FRMD4A: variants seen among roughly 807,000 people sequenced by gnomAD.
FRMD4A encodes the protein FERM domain containing 4A.
FRMD4A carries 29 observed loss-of-function variants against 129.1 expected under a neutral mutation model. The ratio of observed to expected loss-of-function variants is 0.22; its 90% CI spans 0.17 to 0.31. The LOEUF (loss-of-function observed/expected upper bound fraction) is 0.31, where lower values mean the gene tolerates loss of function less well. Among genes scored for constraint, FRMD4A ranks in the 10% least tolerant of loss-of-function variants. The probability of loss-of-function intolerance (pLI) is 1.00; values close to 1 mark genes in which losing one functional copy is unlikely to be tolerated. For missense variants in FRMD4A, 1,272 were observed against 1,375.8 expected (o/e 0.92, Z 1.19); for synonymous variants, 634 against 571.6 (o/e 1.11, Z -1.56).
At chr10:14,096,299 C>A (rs1484060580) in intron 2 of FRMD4A, among the ~76,000 whole-genome samples, 3 of 152,188 alleles carry the variant, frequency 2.0e-5, no homozygotes, top group African/African-American at 7.2e-5. Flanking sequence ...TCTGCTGTTG[C>A]CTTGATCTTG....
Position 14,118,470 on chromosome 10 carries a change from T to C in FRMD4A, c.45+211588A>G, listed in dbSNP as rs1838317046. 2.6e-5 allele frequency among the ~76,000 whole-genome samples: 4 copies of C among 152,202 alleles called. No individual in the cohort carries two copies. In the South Asian group the frequency reaches 8.3e-4, roughly 32 times the overall value. On this transcript the variant is annotated intron_variant, in intron 2 of 24. Coordinates refer to ENST00000357447, the MANE Select transcript of FRMD4A (RefSeq NM_018027.5). ...CAGAGTCTTGACTTACAAACTTTTG[T>C]TTTCTGGCACAGGCATTCAGTGGTG...
At chr10:13,891,901 A>T (rs1232853844) in intron 2 of FRMD4A, 1 of 251,690 alleles carries the variant, frequency 4.0e-6, no homozygotes, top group Non-Finnish European at 6.1e-6. Context: ...GGCCCGCCGC[A>T]TGGTGCGCCC....
intron 2 of FRMD4A, among the ~76,000 whole-genome samples, chr10:13,865,404 A>ATTTTAT (rs372139721): frequency 1.3e-4 from 9 of 70,002 alleles, no homozygotes; most frequent in African/African-American, 3.2e-4. Context: ...TATTTATTTT[A>ATTTTAT]TTTGTTTTAT....
intron 3 of FRMD4A, among the ~76,000 whole-genome samples, chr10:13,820,697 C>T (rs1278942739): frequency 6.6e-6 from 1 of 152,234 alleles, no homozygotes; most frequent in Non-Finnish European, 1.5e-5. Context: ...TTTGTCACTG[C>T]AGAGCCCCCA....
intron 3 of FRMD4A, among the ~76,000 whole-genome samples, chr10:13,839,519 C>T (rs949260922): frequency 1.3e-5 from 2 of 152,222 alleles, no homozygotes; most frequent in Non-Finnish European, 2.9e-5. Flanking sequence ...CTAAGGTTTT[C>T]ACTGAGACCC....
chr10:13,762,761 C>A (rs1277152233), intron 6 of FRMD4A, 81 bp from the exon 7 acceptor site: 1 of 835,874 alleles, frequency 1.2e-6, no homozygotes. Flanking sequence ...GACAGCTCTT[C>A]TTCGGGAGGA....
intron 2 of FRMD4A, among the ~76,000 whole-genome samples, chr10:14,303,403 G>A (rs1846248528): frequency 6.6e-6 from 1 of 152,218 alleles, no homozygotes; most frequent in African/African-American, 2.4e-5. Context: ...AGTGGGCTGT[G>A]GGCGCTAGGG....
chr10:14,148,518 C>G, intron 2 of FRMD4A, among the ~76,000 whole-genome samples: 1 of 152,228 alleles, frequency 6.6e-6, no homozygotes, highest in Middle Eastern at 3.4e-3. Flanking sequence ...AATCCCAGCA[C>G]TTTGGGAGGC....
At chr10:13,927,156 TG>T (rs2095142460) in intron 2 of FRMD4A, among the ~76,000 whole-genome samples, 1 of 150,700 alleles carries the variant, frequency 6.6e-6, no homozygotes, top group African/African-American at 2.4e-5. Context: ...ACTGGGGAGG[TG>T]GAGGCAGGAG....
intron 2 of FRMD4A, among the ~76,000 whole-genome samples, chr10:14,028,363 T>A (rs1488933187): frequency 1.3e-5 from 2 of 152,298 alleles, no homozygotes; most frequent in East Asian, 1.9e-4. Context: ...TACATTATTT[T>A]TTCTTGGGAA....
intron 2 of FRMD4A, among the ~76,000 whole-genome samples, chr10:14,223,770 A>G (rs944325070): frequency 2.5e-5 from 2 of 79,008 alleles, no homozygotes; most frequent in South Asian, 7.5e-4. Flanking sequence ...AAAAAGAGAG[A>G]GAGAGAGAGA....
At chr10:13,688,818 A>C (rs534117098) in intron 15 of FRMD4A, among the ~76,000 whole-genome samples, 2 of 152,224 alleles carry the variant, frequency 1.3e-5, no homozygotes, top group African/African-American at 4.8e-5. Context: ...GCTAGGCTCA[A>C]GTAACTCTCC....
intron 6 of FRMD4A, among the ~76,000 whole-genome samples, 153 bp from the exon 7 acceptor site, chr10:13,762,833 A>G (rs2092127630): frequency 6.6e-6 from 1 of 152,134 alleles, no homozygotes; most frequent in African/African-American, 2.4e-5. Context: ...GCCTCTACAG[A>G]AAATTTAAAA....
intron 2 of FRMD4A, among the ~76,000 whole-genome samples, chr10:13,901,133 A>G (rs2131193320): frequency 6.6e-6 from 1 of 152,344 alleles, no homozygotes; most frequent in South Asian, 2.1e-4. Flanking sequence ...TACCAAACTC[A>G]GGCAGTCTGA....
At chr10:14,049,536 A>T (rs1167166545) in intron 2 of FRMD4A, among the ~76,000 whole-genome samples, 1 of 152,230 alleles carries the variant, frequency 6.6e-6, no homozygotes, top group East Asian at 1.9e-4. Context: ...ATAATGTCGT[A>T]AAGTAAATAT....
chr10:13,651,855 G>A, intron 24 of FRMD4A, 48 bp downstream of exon 24: 1 of 898,038 alleles, frequency 1.1e-6, no homozygotes, highest in East Asian at 2.4e-5. Context: ...CAACACATGT[G>A]GGACCACAGA....
At position 14,330,067 on chromosome 10, in the gene FRMD4A, G is replaced by A. The variant is rs957382624; in HGVS notation, c.36C>T (p.Gly12=). The A allele has an allele frequency of 6.4e-7, 1 of 1,553,158 alleles. No homozygotes were observed. The highest frequency in any genetic ancestry group is 1.9e-5 in the Admixed American group (1 of 51,386). The change falls in exon 2 of 25, where the codon GGC becomes GGT. Residue 12 remains glycine, a synonymous_variant. Transcript: ENST00000357447. ...CTGTCTGAACACTCACCATCAGCAG[G>A]CCGAGAGCTGAGTCGGGCACCAGCT... ...AVQLVPDSAL[G]LLMMTEGRRC...
At chr10:14,259,214 TAAG>T (rs1844718160) in intron 2 of FRMD4A, among the ~76,000 whole-genome samples, 2 of 152,226 alleles carry the variant, frequency 1.3e-5, no homozygotes, top group African/African-American at 2.4e-5. Flanking sequence ...TGGCAAACAA[TAAG>T]AAGTACTTGT....
chr10:14,044,975 G>A (rs1265905901), intron 2 of FRMD4A, among the ~76,000 whole-genome samples: 2 of 152,004 alleles, frequency 1.3e-5, no homozygotes, highest in Non-Finnish European at 2.9e-5. Flanking sequence ...GGAATGCTGT[G>A]GTGAGCAGCC....
Sources: allele counts gnomAD v4.1 joint callset (sites outside exome capture counted in the v4.1 genomes callset), GRCh38; gene constraint gnomAD v4.1.1; transcripts MANE v1.5; gene names NCBI Gene and HGNC (gene_info 2026-07-23, HGNC 2026-07-21).